The following PCDH9 variants were observed in gnomAD, a reference collection of about 807,000 sequenced individuals.
PCDH9 encodes the protein protocadherin-9.
In PCDH9, 24 loss-of-function variants were observed where a neutral mutation model predicts 70.6. That is an observed-to-expected ratio of 0.34 (90% confidence interval 0.25 to 0.48). PCDH9 has a LOEUF of 0.48. Ranked by LOEUF, PCDH9 falls within the 20% of genes least tolerant of loss-of-function variation. PCDH9 has a pLI of 0.99. For missense variants in PCDH9, 1,281 were observed against 1,503.6 expected (o/e 0.85, Z 2.45); for synonymous variants, 562 against 558.5 (o/e 1.01, Z -0.09).
At chr13:66,873,921 T>C (rs1455790966) in intron 3 of PCDH9, among the ~76,000 whole-genome samples, 2 of 144,354 alleles carry the variant, frequency 1.4e-5, no homozygotes, top group Non-Finnish European at 3.0e-5. Context: ...TTCGTTTCTT[T>C]TTTTTTTTTT....
At chr13:67,132,375 C>T (rs2087130083) in intron 2 of PCDH9, among the ~76,000 whole-genome samples, 2 of 152,044 alleles carry the variant, frequency 1.3e-5, no homozygotes, top group Non-Finnish European at 2.9e-5. Context: ...TCTTCCAGTC[C>T]ACAATTAAAA....
intron 2 of PCDH9, chr13:66,996,273 T>C (rs1050830878): frequency 6.6e-6 from 1 of 152,170 alleles, no homozygotes; most frequent in African/African-American, 2.4e-5. Context: ...TTGTGAAGCT[T>C]GTATTCTAGT....
At chr13:66,452,477 T>G (rs557765682) in intron 4 of PCDH9, among the ~76,000 whole-genome samples, 1 of 152,214 alleles carries the variant, frequency 6.6e-6, no homozygotes, top group East Asian at 1.9e-4. Flanking sequence ...TTTATAATAT[T>G]TATATATTTC....
intron 4 of PCDH9, among the ~76,000 whole-genome samples, chr13:66,399,093 T>A (rs1957148117): frequency 6.6e-6 from 1 of 152,220 alleles, no homozygotes; most frequent in Non-Finnish European, 1.5e-5. Context: ...TTTTCTTTTT[T>A]TTATTTATAA....
intron 2 of PCDH9, among the ~76,000 whole-genome samples, chr13:67,033,945 A>G (rs1301455479): frequency 6.6e-6 from 1 of 152,116 alleles, no homozygotes; most frequent in Non-Finnish European, 1.5e-5. Flanking sequence ...TAAGAAAATC[A>G]CCGATGAAAC....
chr13:67,141,399 G>A (rs1010006649), intron 2 of PCDH9, among the ~76,000 whole-genome samples: 7 of 151,842 alleles, frequency 4.6e-5, no homozygotes, highest in Non-Finnish European at 7.4e-5. Flanking sequence ...ACCAGCCTGG[G>A]CAATATAGTA....
rs562176354 is a variant in PCDH9, at chr13:66,829,717, C to CAAAAA, written c.3138+73782_3138+73786dup. Among the ~76,000 whole-genome samples, 502 of 53,062 alleles carry CAAAAA rather than the reference C, an allele frequency of 9.5e-3. 76 individuals are homozygous for CAAAAA. The highest frequency in any genetic ancestry group is 0.019 in the African/African-American group (267 of 14,028). 34.8% of individuals were successfully genotyped at this position (53,062 alleles called of 152,430 possible). A position where few individuals can be genotyped will look rare whatever the true frequency, so the allele number is the denominator to read the frequency against. On this transcript the variant is annotated intron_variant, in intron 3 of 4. Transcript: ENST00000377865. The stretch of plus-strand genomic sequence containing the variant: ...TGGGCGACAGAGCGAGACTCCGTCT[C>CAAAAA]AAAAAAAAAAAAAAAAAAAAAAAAA...
chr13:66,718,312 A>G (rs966669190), intron 3 of PCDH9, among the ~76,000 whole-genome samples: 1 of 152,188 alleles, frequency 6.6e-6, no homozygotes, highest in Admixed American at 6.5e-5. Context: ...TGTGTTACTC[A>G]AGCCCCACAA....
At chr13:67,034,889 C>A (rs2084979279) in intron 2 of PCDH9, among the ~76,000 whole-genome samples, 1 of 151,684 alleles carries the variant, frequency 6.6e-6, no homozygotes, top group Non-Finnish European at 1.5e-5. Flanking sequence ...ATTTGCATAA[C>A]TCTTTAAGAC....
chr13:66,343,403 A>G (rs1286942996), intron 4 of PCDH9, among the ~76,000 whole-genome samples: 1 of 152,188 alleles, frequency 6.6e-6, no homozygotes. Flanking sequence ...TTATCAGCAT[A>G]TTCAAACTGT....
At chr13:66,471,202 C>T (rs528326208) in intron 4 of PCDH9, among the ~76,000 whole-genome samples, 3 of 151,792 alleles carry the variant, frequency 2.0e-5, no homozygotes, top group Non-Finnish European at 2.9e-5. Context: ...CTGATCAGTT[C>T]GTACATGCCT....
At chr13:66,421,951 G>A (rs796535260) in intron 4 of PCDH9, among the ~76,000 whole-genome samples, 5 of 152,092 alleles carry the variant, frequency 3.3e-5, no homozygotes, top group African/African-American at 1.2e-4. Flanking sequence ...TCAAAATAAA[G>A]GCATGGAGGA....
chr13:66,669,085 G>A (rs2078136213), intron 3 of PCDH9, among the ~76,000 whole-genome samples: 1 of 152,040 alleles, frequency 6.6e-6, no homozygotes, highest in South Asian at 2.1e-4. Flanking sequence ...ACATCTTCCT[G>A]TAAGCAAATG....
intron 2 of PCDH9, among the ~76,000 whole-genome samples, chr13:67,165,021 C>G (rs1028026066): frequency 6.6e-6 from 1 of 152,032 alleles, no homozygotes; most frequent in Non-Finnish European, 1.5e-5. Flanking sequence ...CATAGCATCC[C>G]CAGCATCTGA....
At chr13:67,031,573 C>T (rs1238809435) in intron 2 of PCDH9, among the ~76,000 whole-genome samples, 1 of 152,124 alleles carries the variant, frequency 6.6e-6, no homozygotes, top group Non-Finnish European at 1.5e-5. Flanking sequence ...TTCCCAGCTA[C>T]TAGGGAGGCT....
At chr13:67,070,936 T>C (rs559501970) in intron 2 of PCDH9, among the ~76,000 whole-genome samples, 1 of 152,162 alleles carries the variant, frequency 6.6e-6, no homozygotes, top group South Asian at 2.1e-4. Flanking sequence ...TGTATTTTTA[T>C]CAAGCTCCTA....
chr13:66,861,659 A>C (rs201711809), intron 3 of PCDH9, among the ~76,000 whole-genome samples: 1 of 152,190 alleles, frequency 6.6e-6, no homozygotes, highest in Admixed American at 6.6e-5. Context: ...CACTCTGGAC[A>C]GTAAATGCCT....
rs151024960 is a variant in PCDH9, at chr13:67,225,954, C to A, written c.2487G>T (p.Val829=). 1 of 1,614,094 alleles carries A rather than the reference C, an allele frequency of 6.2e-7. No individual in the cohort carries two copies. Among genetic ancestry groups the A allele is most frequent in the South Asian group, 1.1e-5 (1 of 91,072 alleles). The change falls in exon 2 of 5, where the codon GTG becomes GTT. Residue 829 remains valine, a synonymous_variant. Transcript: ENST00000377865. Reference sequence around the variant, plus strand: ...AGCGCACCAGAACGGTGACGAAGATCACAACAATGACCACCATGGCACCGG... The same window carrying A: ...AGCGCACCAGAACGGTGACGAAGATAACAACAATGACCACCATGGCACCGG... ...IIAGAMVVIV[V]IFVTVLVRCR...
chr13:67,051,670 C>G (rs1330997479), intron 2 of PCDH9, among the ~76,000 whole-genome samples: 1 of 151,916 alleles, frequency 6.6e-6, no homozygotes, highest in Non-Finnish European at 1.5e-5. Context: ...GAATTACAGG[C>G]TTGAGAAGAA....
Sources: allele counts gnomAD v4.1 joint callset (sites outside exome capture counted in the v4.1 genomes callset), GRCh38; gene constraint gnomAD v4.1.1; transcripts MANE v1.5; gene names NCBI Gene and HGNC (gene_info 2026-07-23, HGNC 2026-07-21).